MAN1B1: variants seen among roughly 807,000 people sequenced by gnomAD.
MAN1B1 encodes the protein endoplasmic reticulum mannosyl-oligosaccharide 1,2-alpha-mannosidase.
Under a neutral mutation model 75.5 loss-of-function variants are expected in MAN1B1, and 66 were observed. That is an observed-to-expected ratio of 0.87 (90% CI 0.72 to 1.07). MAN1B1 has a LOEUF of 1.07. Among genes scored for constraint, MAN1B1 ranks in the 50% least tolerant of loss-of-function variants. The pLI, the probability that MAN1B1 is intolerant of heterozygous loss-of-function variation, is 0.00. For missense variants in MAN1B1, 973 were observed against 912.5 expected (o/e 1.07, Z -0.85); for synonymous variants, 453 against 382.8 (o/e 1.18, Z -2.14).
intron 8 of MAN1B1, chr9:137,102,871 T>TACAC (rs761486585): frequency 0.016 from 4,786 of 293,534 alleles, 1 homozygote; most frequent in African/African-American, 0.064. Flanking sequence ...TCGGTGGTGT[T>TACAC]ACATTCATGC....
chr9:137,107,165 C>A, intron 10 of MAN1B1, 85 bp from the exon 11 acceptor site: 1 of 1,448,000 alleles, frequency 6.9e-7, no homozygotes, highest in Admixed American at 1.9e-5. Context: ...CGAGGCAGCG[C>A]TGGGCTCCCA....
intron 8 of MAN1B1, chr9:137,103,068 C>T: frequency 6.5e-6 from 1 of 153,912 alleles, no homozygotes; most frequent in Non-Finnish European, 1.3e-5. Context: ...GTTGGTGTTA[C>T]ACACATTCAC....
chr9:137,087,279 T>G, intron 1 of MAN1B1, 61 bp downstream of exon 1: 1 of 1,523,684 alleles, frequency 6.6e-7, no homozygotes, highest in South Asian at 1.2e-5. Flanking sequence ...CCTCCCAGAC[T>G]GCGGCTCCGA....
Position 137,107,690 on chromosome 9 carries a change from T to G in MAN1B1, c.1896+28T>G, listed in dbSNP as rs1276236720. On this transcript the variant is annotated intron_variant, in intron 12 of 12. Coordinates refer to ENST00000371589, the MANE Select transcript of MAN1B1 (RefSeq NM_016219.5). ...GAGCACCTGTCCTCGCCCCGCGTGG[T>G]CACGGCCACCGGGCCACAGGCACGG... 2.5e-6 allele frequency: 4 copies of G among 1,610,190 alleles called. No individual in the cohort carries two copies. The African/African-American group carries it at 5.3e-5, about 21-fold the overall frequency.
intron 3 of MAN1B1, chr9:137,094,544 A>C: frequency 4.9e-6 from 1 of 204,436 alleles, no homozygotes; most frequent in Non-Finnish European, 1.0e-5. Context: ...GTTCGAGACC[A>C]GCCTGAGCAA....
chr9:137,090,659 C>A (rs971304972), intron 3 of MAN1B1, among the ~76,000 whole-genome samples: 1 of 152,132 alleles, frequency 6.6e-6, no homozygotes, highest in African/African-American at 2.4e-5. Flanking sequence ...CCTGCCTCAG[C>A]TTCCCGAGTA....
chr9:137,107,430 C>T lies in MAN1B1; in HGVS notation c.1747C>T (p.Arg583Trp), dbSNP rs767268601. Residue 583 changes from arginine to tryptophan, a missense_variant, in exon 11 of 13, where the codon CGG becomes TGG. Arg to Trp is a moderately radical substitution (Grantham distance 101). Transcript: ENST00000371589. ...HFNLYPQPGR[R>W]DVEVKPADRH... is the part of the protein sequence containing the mutation. ...CAACCTTTACCCCCAGCCGGGCCGT[C>T]GGGACGTGGAGGTCAAGGTGGGCCT... 9 of 1,613,260 alleles carry T rather than the reference C, an allele frequency of 5.6e-6. 1 individual carries two copies. Among genetic ancestry groups the T allele is most frequent in the Admixed American group, 5.0e-5 (3 of 60,000 alleles).
chr9:137,091,080 C>G (rs1490709474), intron 3 of MAN1B1, among the ~76,000 whole-genome samples: 1 of 152,182 alleles, frequency 6.6e-6, no homozygotes, highest in Non-Finnish European at 1.5e-5. Flanking sequence ...GCCATGGGGC[C>G]ACTGCTCCAC....
chr9:137,097,880 A>G lies in MAN1B1; in HGVS notation c.673A>G (p.Arg225Gly), dbSNP rs1830697200. Residue 225 changes from arginine to glycine, a missense_variant, in exon 5 of 13, where the codon AGA (arginine) becomes GGA (glycine). By Grantham distance (125) the Arg-to-Gly change is moderately radical. Coordinates refer to ENST00000371589, the MANE Select transcript of MAN1B1 (RefSeq NM_016219.5). ...PEQGTELPSR[R>G]AEVPTKPPLP... ...GCAGGGCACCGAGCTCCCTTCAAGA[A>G]GAGCAGAAGTGCCCACCAAGCCTCC... The G allele has an allele frequency of 6.4e-7, 1 of 1,561,088 alleles. No homozygotes were observed. The highest frequency in any genetic ancestry group is 1.2e-5 in the South Asian group (1 of 84,592).
Position 137,097,850 on chromosome 9 carries a change from C to A in MAN1B1, c.643C>A (p.Pro215Thr), listed in dbSNP as rs1203007795. Reference sequence around the variant, plus strand: ...AAGCTGGAGGGGAGCGGTGATCGAGCCTGAGCAGGGCACCGAGCTCCCTTC... The same window carrying A: ...AAGCTGGAGGGGAGCGGTGATCGAGACTGAGCAGGGCACCGAGCTCCCTTC... ...VISWRGAVIE[P>T]EQGTELPSRR... The change falls in exon 5 of 13, where the codon CCT becomes ACT. Residue 215 changes from proline to threonine, a missense_variant. Coordinates refer to ENST00000371589, the MANE Select transcript of MAN1B1 (RefSeq NM_016219.5). 3.2e-6 allele frequency: 5 copies of A among 1,556,434 alleles called. No homozygotes were observed. The highest frequency in any genetic ancestry group is 4.3e-6 in the Non-Finnish European group (5 of 1,150,468).
At chr9:137,094,112 TC>T (rs1830592953) in intron 3 of MAN1B1, among the ~76,000 whole-genome samples, 1 of 151,326 alleles carries the variant, frequency 6.6e-6, no homozygotes, top group Admixed American at 6.6e-5. Flanking sequence ...CGTCTCGGGT[TC>T]AAGTGATTCT....
At chr9:137,100,383 G>A (rs1218509930) in intron 6 of MAN1B1, among the ~76,000 whole-genome samples, 2 of 152,224 alleles carry the variant, frequency 1.3e-5, no homozygotes, top group Non-Finnish European at 2.9e-5. Context: ...TGACCCATTG[G>A]TGGCCATAGC....
intron 4 of MAN1B1, among the ~76,000 whole-genome samples, chr9:137,097,511 G>C (rs1187323387): frequency 6.6e-6 from 1 of 152,196 alleles, no homozygotes; most frequent in Non-Finnish European, 1.5e-5. Context: ...CTGTTTGGAT[G>C]AAAGATTCTC....
At chr9:137,098,376 G>T (rs912763829) in intron 5 of MAN1B1, among the ~76,000 whole-genome samples, 1 of 152,206 alleles carries the variant, frequency 6.6e-6, no homozygotes, top group Non-Finnish European at 1.5e-5. Flanking sequence ...CCTCTGACAC[G>T]ATAAGCCACT....
chr9:137,096,407 C>T lies in MAN1B1; in HGVS notation c.620+16C>T. 1 of 1,612,620 alleles carries T rather than the reference C, an allele frequency of 6.2e-7. No homozygotes were observed. The highest frequency in any genetic ancestry group is 8.5e-7 in the Non-Finnish European group (1 of 1,179,548). On this transcript the variant is annotated intron_variant, in intron 4 of 12. Coordinates refer to ENST00000371589, the MANE Select transcript of MAN1B1 (RefSeq NM_016219.5). ...CAGTCATCAGGTACAGAGCGCAGGG[C>T]AGGCTGCACGCCGCCGCTCAGGGCT...
chr9:137,105,980 C>T, intron 8 of MAN1B1, 145 bp from the exon 9 acceptor site: 1 of 732,378 alleles, frequency 1.4e-6, no homozygotes, highest in Non-Finnish European at 2.4e-6. Context: ...TGGGCAAGGA[C>T]AGCTGTGGGC....
intron 4 of MAN1B1, 36 bp from the exon 5 acceptor site, chr9:137,097,792 T>G: frequency 6.8e-7 from 1 of 1,472,726 alleles, no homozygotes; most frequent in Non-Finnish European, 9.3e-7. Flanking sequence ...CCACAAATGT[T>G]TGACGGCAGC....
Position 137,107,402 on chromosome 9 carries a change from C to T in MAN1B1, c.1719C>T (p.His573=), listed in dbSNP as rs1400703991. 1.2e-6 allele frequency: 2 copies of T among 1,613,488 alleles called. No homozygotes were observed. Among genetic ancestry groups the T allele is most frequent in the Non-Finnish European group, 1.7e-6 (2 of 1,180,002 alleles). The change falls in exon 11 of 13, where the codon CAC becomes CAT. Residue 573 remains histidine (H), a synonymous_variant. Transcript: ENST00000371589. ...METGLSPEIV[H]FNLYPQPGRR... ...CGGGGCTGAGTCCCGAGATCGTGCA[C>T]TTCAACCTTTACCCCCAGCCGGGCC...
intron 3 of MAN1B1, among the ~76,000 whole-genome samples, chr9:137,090,796 C>A (rs1830494986): frequency 6.6e-6 from 1 of 152,182 alleles, no homozygotes; most frequent in Admixed American, 6.5e-5. Flanking sequence ...CTCAGCCCCC[C>A]AAAGTGCTGG....
Sources: gnomAD v4.1 joint callset for allele counts (sites outside exome capture counted in the v4.1 genomes callset) on GRCh38, gnomAD v4.1.1 for gene constraint, MANE v1.5 for transcripts, NCBI Gene and HGNC (gene_info 2026-07-23, HGNC 2026-07-21) for gene names.